The following TMEM222 variants were observed in gnomAD, a reference collection of about 807,000 sequenced individuals.
TMEM222 encodes transmembrane protein 222, also known as chromosome 1 open reading frame 160.
TMEM222 carries 18 observed loss-of-function variants against 25.1 expected under a neutral mutation model. That is an observed-to-expected ratio of 0.72 (90% CI 0.50 to 1.06). The LOEUF (loss-of-function observed/expected upper bound fraction) is 1.06. Ranked by LOEUF, TMEM222 falls within the 50% of genes least tolerant of loss-of-function variation. TMEM222 has a pLI of 0.00. For synonymous variants in TMEM222, 131 were observed against 117.9 expected (o/e 1.11, Z -0.72); for missense variants, 296 against 293.7 (o/e 1.01, Z -0.06).
chr1:27,335,767 A>C lies in TMEM222; in HGVS notation c.*301A>C. 2.3e-6 allele frequency: 1 copy of C among 430,134 alleles called. No homozygotes were observed. The highest frequency in any genetic ancestry group is 4.3e-6 in the Non-Finnish European group (1 of 231,412). 26.6% of individuals were successfully genotyped at this position (430,134 alleles called of 1,614,324 possible). The stretch of plus-strand genomic sequence containing the variant: ...CCGCTGTAGAGCTGCTCCCGCCACC[A>C]CCTGCTGGGGTCCTGCCTCAGCCCA... On this transcript the variant is annotated 3_prime_UTR_variant, in exon 6 of 6. Coordinates refer to ENST00000374076, the MANE Select transcript of TMEM222 (RefSeq NM_032125.3).
chr1:27,331,739 G>T (rs185166191), intron 2 of TMEM222, among the ~76,000 whole-genome samples: 1 of 152,380 alleles, frequency 6.6e-6, no homozygotes, highest in African/African-American at 2.4e-5. Flanking sequence ...GATCAGAGAA[G>T]ACTGACCAGA....
intron 1 of TMEM222, among the ~76,000 whole-genome samples, chr1:27,330,503 C>A (rs577758342): frequency 6.6e-6 from 1 of 152,278 alleles, no homozygotes; most frequent in African/African-American, 2.4e-5. Flanking sequence ...GTTTGAGTTA[C>A]AGCCATCCTG....
At position 27,335,730 on chromosome 1, in the gene TMEM222, G is replaced by A. The variant is rs1557528051; in HGVS notation, c.*264G>A. On this transcript the variant is annotated 3_prime_UTR_variant, in exon 6 of 6. Transcript: ENST00000374076. ...AAGCCCCTTTGTTCTTCTGTTGAAAGGCTTTGGCTTCCCGCTGTAGAGCTG... is the reference window on the plus strand; with the variant it reads ...AAGCCCCTTTGTTCTTCTGTTGAAAAGCTTTGGCTTCCCGCTGTAGAGCTG... 1.9e-6 allele frequency: 1 copy of A among 532,274 alleles called. No homozygotes were observed. Among genetic ancestry groups the A allele is most frequent in the East Asian group, 3.3e-5 (1 of 30,514 alleles). The allele number at this position is 532,274 out of a possible 1,614,324, so 33.0% of individuals were successfully genotyped here. A position where few individuals can be genotyped will look rare whatever the true frequency, so the allele number is the denominator to read the frequency against.
chr1:27,334,500 G>A, intron 5 of TMEM222: 1 of 1,327,042 alleles, frequency 7.5e-7, no homozygotes, highest in Non-Finnish European at 1.0e-6. Context: ...ATGCAGCTCT[G>A]GCTCTTGCCT....
At chr1:27,326,001 T>G (rs1252127935) in intron 1 of TMEM222, among the ~76,000 whole-genome samples, 2 of 152,212 alleles carry the variant, frequency 1.3e-5, no homozygotes, top group African/African-American at 2.4e-5. Flanking sequence ...AAGTTAACTG[T>G]TCCCCTTGGT....
chr1:27,332,913 C>A (rs1175869101), intron 3 of TMEM222: 7 of 291,508 alleles, frequency 2.4e-5, no homozygotes. Context: ...CAGTCCAGGC[C>A]ATGGTCTCTA....
chr1:27,331,905 C>A (rs1285898210), intron 2 of TMEM222, among the ~76,000 whole-genome samples, 165 bp from the exon 3 acceptor site: 1 of 152,280 alleles, frequency 6.6e-6, no homozygotes. Context: ...GCTGCTAGCT[C>A]TTTAGATGCC....
At chr1:27,328,114 G>T (rs1318989467) in intron 1 of TMEM222, among the ~76,000 whole-genome samples, 1 of 152,214 alleles carries the variant, frequency 6.6e-6, no homozygotes, top group African/African-American at 2.4e-5. Flanking sequence ...AAGCATTGTA[G>T]TGGGATCTGG....
intron 1 of TMEM222, among the ~76,000 whole-genome samples, chr1:27,327,684 C>T (rs2014385766): frequency 6.6e-6 from 1 of 152,238 alleles, no homozygotes; most frequent in Non-Finnish European, 1.5e-5. Flanking sequence ...CCACTGAGCC[C>T]AGCCTTGACT....
intron 2 of TMEM222, 60 bp downstream of exon 2, chr1:27,330,864 C>G: frequency 6.2e-7 from 1 of 1,603,474 alleles, no homozygotes; most frequent in Non-Finnish European, 8.5e-7. Flanking sequence ...GCTGTCCTGT[C>G]TTGCCTGCAG....
rs148308260 is a variant in TMEM222, at chr1:27,323,806, G to A, written c.194+1415G>A. On this transcript the variant is annotated intron_variant, in intron 1 of 5. Coordinates refer to ENST00000374076, the MANE Select transcript of TMEM222 (RefSeq NM_032125.3). ...TAGTGAAATAAAATCTTAGGAAAATGTGCACATTAATTCATTCAGTGTTCT... is the reference window on the plus strand; with the variant it reads ...TAGTGAAATAAAATCTTAGGAAAATATGCACATTAATTCATTCAGTGTTCT... Among the ~76,000 whole-genome samples, 334 of 152,292 alleles carry A rather than the reference G, an allele frequency of 2.2e-3. 3 individuals are homozygous for A. Among genetic ancestry groups the A allele is most frequent in the African/African-American group, 7.7e-3 (319 of 41,556 alleles).
chr1:27,333,623 G>A (rs2014534506), intron 3 of TMEM222: 2 of 405,422 alleles, frequency 4.9e-6, no homozygotes, highest in African/African-American at 2.1e-5. Context: ...ATTCATGAGA[G>A]CTAATCACCC....
chr1:27,332,501 A>AT (rs1382336559), intron 3 of TMEM222: 5 of 718,064 alleles, frequency 7.0e-6, no homozygotes, highest in Non-Finnish European at 1.3e-5. Context: ...GAAGAGAGGC[A>AT]TTGTTTGGAG....
intron 5 of TMEM222, 26 bp downstream of exon 5, chr1:27,334,307 CCA>C: frequency 6.2e-7 from 1 of 1,613,660 alleles, no homozygotes; most frequent in Admixed American, 1.7e-5. Flanking sequence ...GCCTGCCCAC[CCA>C]CACACTGCCC....
chr1:27,335,509 C>T lies in TMEM222; in HGVS notation c.*43C>T, dbSNP rs1258848876. 1.3e-6 allele frequency: 2 copies of T among 1,592,806 alleles called. No individual in the cohort carries two copies. Among genetic ancestry groups the T allele is most frequent in the Admixed American group, 1.7e-5 (1 of 59,900 alleles). On this transcript the variant is annotated 3_prime_UTR_variant, in exon 6 of 6. Coordinates refer to ENST00000374076, the MANE Select transcript of TMEM222 (RefSeq NM_032125.3). ...CACACCCACCAGGGTCCCGAGGAAA[C>T]AGCCGCCATCCCTTTTGGTTCCAGA... is the stretch of plus-strand genomic sequence containing the variant.
Position 27,333,992 on chromosome 1 carries a change from A to G in TMEM222, c.346A>G (p.Ser116Gly), listed in dbSNP as rs1479090997. 5 of 1,614,118 alleles carry G rather than the reference A, an allele frequency of 3.1e-6. No homozygotes were observed. Among genetic ancestry groups the G allele is most frequent in the Non-Finnish European group, 4.2e-6 (5 of 1,180,002 alleles). The change falls in exon 4 of 6, where the codon AGC becomes GGC. Residue 116 changes from serine (S) to glycine (G), a missense_variant. Physicochemically the swap from Ser to Gly is moderately conservative, Grantham distance 56 (BLOSUM62 0). Transcript: ENST00000374076. The stretch of plus-strand genomic sequence containing the variant: ...GTTGGACCCTGCTCAGGTCTATGCT[A>G]GCGGGCCCAACGCATGGGACACGGC... ...WKLDPAQVYASGPNAWDTAVH... is the reference protein window; with the variant it reads ...WKLDPAQVYAGGPNAWDTAVH...
chr1:27,325,410 A>T, intron 1 of TMEM222: 1 of 1,106,752 alleles, frequency 9.0e-7, no homozygotes, highest in Non-Finnish European at 1.4e-6. Context: ...TGGCCAGGTC[A>T]TCACCATCAG....
chr1:27,325,830 A>C, intron 1 of TMEM222: 1 of 801,424 alleles, frequency 1.2e-6, no homozygotes, highest in Non-Finnish European at 2.3e-6. Context: ...CATTTGCTGC[A>C]TGGGTTAATT....
At chr1:27,334,304 C>G in intron 5 of TMEM222, 23 bp downstream of exon 5, 1 of 1,613,666 alleles carries the variant, frequency 6.2e-7, no homozygotes, top group Non-Finnish European at 8.5e-7. Context: ...CCTGCCTGCC[C>G]ACCCACACAC....
Sources: gnomAD v4.1 joint callset for allele counts (sites outside exome capture counted in the v4.1 genomes callset) on GRCh38, gnomAD v4.1.1 for gene constraint, MANE v1.5 for transcripts, NCBI Gene and HGNC (gene_info 2026-07-23, HGNC 2026-07-21) for gene names.